OR7C1: variants seen among roughly 807,000 people sequenced by gnomAD.
OR7C1 encodes olfactory receptor 7C1.
For synonymous variants in OR7C1, 152 were observed against 160.7 expected, an observed-to-expected ratio of 0.95 and a Z score of 0.41; for missense variants, 324 against 383.3, an observed-to-expected ratio of 0.85 and a Z score of 1.29.
At chr19:14,806,108 T>G (rs990090688) in intron 2 of OR7C1, among the ~76,000 whole-genome samples, 1 of 151,940 alleles carries the variant, frequency 6.6e-6, no homozygotes, top group Admixed American at 6.6e-5. Context: ...GTGCTTTAAC[T>G]CAAGACAAGG....
At chr19:14,824,724 C>T (rs2044757241) in intron 1 of OR7C1, 1 of 152,080 alleles carries the variant, frequency 6.6e-6, no homozygotes, top group Non-Finnish European at 1.5e-5. Flanking sequence ...GATTTATTTT[C>T]CTTTGGCTAT....
exon 5 of OR7C1, chr19:14,799,367 C>T: frequency 6.2e-7 from 1 of 1,614,108 alleles, no homozygotes; most frequent in Non-Finnish European, 8.5e-7. Context: ...GAGATAGACC[C>T]CAAAGCCCGT....
At chr19:14,819,856 A>G (rs989107963) in intron 1 of OR7C1, among the ~76,000 whole-genome samples, 3 of 152,102 alleles carry the variant, frequency 2.0e-5, no homozygotes, top group African/African-American at 7.2e-5. Flanking sequence ...TGTTGATGTG[A>G]TTAATGGTTA....
chr19:14,808,285 A>C (rs1419890418), intron 2 of OR7C1, among the ~76,000 whole-genome samples: 1 of 151,990 alleles, frequency 6.6e-6, no homozygotes, highest in Non-Finnish European at 1.5e-5. Flanking sequence ...ACCCCAAAGA[A>C]AAGAAATCAT....
At chr19:14,814,403 A>G (rs2044706734) in intron 1 of OR7C1, among the ~76,000 whole-genome samples, 1 of 151,872 alleles carries the variant, frequency 6.6e-6, no homozygotes, top group South Asian at 2.1e-4. Flanking sequence ...GCCAACAGGA[A>G]TATGGAAAAT....
At chr19:14,823,207 C>G (rs2044749280) in intron 1 of OR7C1, among the ~76,000 whole-genome samples, 1 of 152,074 alleles carries the variant, frequency 6.6e-6, no homozygotes, top group Non-Finnish European at 1.5e-5. Flanking sequence ...AATCCCAGCA[C>G]TTTGGGAGGC....
chr19:14,826,954 A>G (rs1336716942), intron 1 of OR7C1: 3 of 188,416 alleles, frequency 1.6e-5, no homozygotes, highest in African/African-American at 7.0e-5. Flanking sequence ...ATTTACATCA[A>G]TTACCCCAAT....
chr19:14,813,863 A>G (rs746187127), intron 1 of OR7C1, among the ~76,000 whole-genome samples: 1 of 152,106 alleles, frequency 6.6e-6, no homozygotes, highest in South Asian at 2.1e-4. Context: ...ACAATTTGAG[A>G]TGAGATTTGG....
intron 1 of OR7C1, among the ~76,000 whole-genome samples, chr19:14,828,866 T>C (rs1417183962): frequency 6.7e-6 from 1 of 148,426 alleles, no homozygotes; most frequent in African/African-American, 2.5e-5. Context: ...AGATAATGAG[T>C]GAACAATGCT....
At chr19:14,800,009 A>G (rs2044633278) in exon 5 of OR7C1, 4 of 1,614,154 alleles carry the variant, frequency 2.5e-6, no homozygotes, top group Non-Finnish European at 3.4e-6. Flanking sequence ...GATGATGAGC[A>G]GGTTCCCGGT....
At chr19:14,827,538 T>C in intron 1 of OR7C1, 1 of 1,614,154 alleles carries the variant, frequency 6.2e-7, no homozygotes, top group South Asian at 1.1e-5. Context: ...AAATGCCTTG[T>C]ACTTCCCCTG....
At chr19:14,801,307 A>G (rs2044640801) in intron 2 of OR7C1, among the ~76,000 whole-genome samples, 2 of 152,188 alleles carry the variant, frequency 1.3e-5, no homozygotes, top group African/African-American at 2.4e-5. Context: ...ACCTTTGTTT[A>G]TAAAGCCAAT....
intron 1 of OR7C1, among the ~76,000 whole-genome samples, chr19:14,831,514 G>A (rs1008125123): frequency 1.3e-5 from 2 of 151,716 alleles, no homozygotes; most frequent in Non-Finnish European, 2.9e-5. Flanking sequence ...GTGCAATATT[G>A]GCTCACTGCA....
At chr19:14,799,576 G>A (rs545851770) in exon 5 of OR7C1, 10 of 1,614,148 alleles carry the variant, frequency 6.2e-6, no homozygotes, top group Admixed American at 1.7e-5. Flanking sequence ...CAGAACAGGC[G>A]AGCTTCAGGA....
chr19:14,814,612 C>T (rs749927742), intron 1 of OR7C1, among the ~76,000 whole-genome samples: 16 of 151,864 alleles, frequency 1.1e-4, no homozygotes, highest in East Asian at 1.9e-4. Flanking sequence ...TTAGTAGAGA[C>T]GGGGGTTTCA....
intron 1 of OR7C1, chr19:14,825,966 C>A (rs1245564375): frequency 6.6e-6 from 1 of 152,106 alleles, no homozygotes; most frequent in Admixed American, 6.5e-5. Flanking sequence ...GGCATTTGTT[C>A]TAATACTTGG....
intron 2 of OR7C1, among the ~76,000 whole-genome samples, chr19:14,806,142 T>C (rs1209440038): frequency 1.3e-5 from 2 of 151,952 alleles, no homozygotes; most frequent in African/African-American, 4.9e-5. Flanking sequence ...TTTTCAGGGC[T>C]CCTGAATACC....
rs189717803 is a variant in OR7C1 at position 14,806,238 on chromosome 19, T to G, written c.-435+3568A>C. Among the ~76,000 whole-genome samples, 16 of 152,062 alleles carry G rather than the reference T, an allele frequency of 1.1e-4. 1 individual carries two copies. Among genetic ancestry groups the G allele is most frequent in the African/African-American group, 3.4e-4 (14 of 41,348 alleles). On this transcript the variant is annotated intron_variant, in intron 2 of 4. Transcript: ENST00000641666. ...GGTCTTTAGCCTACATTAAGGAACA[T>G]TTCAAGAATCTAAAAATGTGTTTTT...
chr19:14,811,040 G>A (rs7247432), intron 1 of OR7C1, among the ~76,000 whole-genome samples: 26,708 of 151,636 alleles, frequency 0.18, 2,928 homozygotes, highest in African/African-American at 0.27. Context: ...GGGCTCAGTG[G>A]TACATATTTT....
Sources: allele counts gnomAD v4.1 joint callset (sites outside exome capture counted in the v4.1 genomes callset), GRCh38; gene constraint gnomAD v4.1.1; transcripts MANE v1.5; gene names NCBI Gene and HGNC (gene_info 2026-07-23, HGNC 2026-07-21).